The following IMMP2L variants were observed in gnomAD, a reference collection of about 807,000 sequenced individuals.
IMMP2L encodes inner mitochondrial membrane peptidase subunit 2.
A neutral mutation model predicts 19.3 loss-of-function variants in IMMP2L; 18 were observed. The ratio of observed to expected loss-of-function variants is 0.93; its 90% CI spans 0.64 to 1.38. The LOEUF is 1.38. Ranked by LOEUF, IMMP2L falls within the 40% of genes most tolerant of loss-of-function variation. IMMP2L has a pLI of 0.00. For synonymous variants in IMMP2L, 76 were observed against 73.0 expected (o/e 1.04, Z -0.21); for missense variants, 233 against 218.2 (o/e 1.07, Z -0.43).
intron 3 of IMMP2L, among the ~76,000 whole-genome samples, chr7:111,198,597 G>A (rs981637981): frequency 5.3e-5 from 8 of 152,002 alleles, no homozygotes; most frequent in African/African-American, 1.4e-4. Flanking sequence ...CCCTAAACAC[G>A]CCCTGATAAT....
At chr7:110,703,768 A>C (rs7803158) in intron 5 of IMMP2L, among the ~76,000 whole-genome samples, 58,548 of 152,036 alleles carry the variant, frequency 0.39, 13,167 homozygotes, top group East Asian at 0.63. Flanking sequence ...GTTTCAAAAT[A>C]AAATGTGCAA....
chr7:110,837,916 T>C (rs1202195653), intron 5 of IMMP2L, among the ~76,000 whole-genome samples: 1 of 152,130 alleles, frequency 6.6e-6, no homozygotes, highest in Non-Finnish European at 1.5e-5. Context: ...GCAATTTATA[T>C]GTTGGGGATG....
At chr7:110,663,771 G>T (rs758863857) in intron 5 of IMMP2L, 50 bp from the exon 6 acceptor site, 4 of 1,304,430 alleles carry the variant, frequency 3.1e-6, no homozygotes, top group Non-Finnish European at 4.2e-6. Context: ...CATTTTATAA[G>T]AATCATTATT....
chr7:111,557,248 C>T (rs763479494), intron 1 of IMMP2L, among the ~76,000 whole-genome samples: 8 of 152,128 alleles, frequency 5.3e-5, no homozygotes, highest in Non-Finnish European at 1.0e-4. Context: ...CCTCAATCTA[C>T]CCAGCACACT....
intron 3 of IMMP2L, among the ~76,000 whole-genome samples, chr7:111,428,362 A>C (rs1392410606): frequency 1.3e-5 from 2 of 151,792 alleles, no homozygotes; most frequent in Non-Finnish European, 2.9e-5. Context: ...GTAATTTTTT[A>C]AAGTAATAAG....
At chr7:111,121,917 T>C (rs1369667068) in intron 3 of IMMP2L, among the ~76,000 whole-genome samples, 1 of 152,172 alleles carries the variant, frequency 6.6e-6, no homozygotes, top group African/African-American at 2.4e-5. Context: ...GATGAGTTCA[T>C]GTCCTTTGTA....
At chr7:110,873,429 C>CAAAAAAAAA (rs60827428) in intron 5 of IMMP2L, among the ~76,000 whole-genome samples, 3 of 28,948 alleles carry the variant, frequency 1.0e-4, no homozygotes, top group Non-Finnish European at 7.2e-5. Flanking sequence ...GACTCTATCT[C>CAAAAAAAAA]AAAAAAAAAA....
intron 3 of IMMP2L, among the ~76,000 whole-genome samples, chr7:111,451,217 C>T (rs1322435405): frequency 9.3e-6 from 1 of 107,428 alleles, no homozygotes; most frequent in Non-Finnish European, 1.9e-5. Flanking sequence ...TGGGTATATA[C>T]CCCCAAATGA....
intron 2 of IMMP2L, among the ~76,000 whole-genome samples, chr7:111,488,888 T>C (rs1842867505): frequency 6.6e-6 from 1 of 152,142 alleles, no homozygotes; most frequent in Admixed American, 6.6e-5. Context: ...TTTTTGATTA[T>C]GGCCACTCTT....
chr7:111,237,248 A>C (rs1308303433), intron 3 of IMMP2L, among the ~76,000 whole-genome samples: 1 of 152,176 alleles, frequency 6.6e-6, no homozygotes, highest in Non-Finnish European at 1.5e-5. Context: ...TAATTCAGTA[A>C]AAGGAAGAAG....
intron 1 of IMMP2L, among the ~76,000 whole-genome samples, chr7:111,521,804 A>G (rs1429396309): frequency 2.0e-5 from 3 of 152,112 alleles, no homozygotes; most frequent in Non-Finnish European, 2.9e-5. Flanking sequence ...GTTCTCTTCT[A>G]CAGTAATAAA....
Position 111,199,504 on chromosome 7 carries a change from T to C in IMMP2L, c.240-235939A>G, listed in dbSNP as rs564594984. On this transcript the variant is annotated intron_variant, in intron 3 of 5. Coordinates refer to ENST00000405709, the MANE Select transcript of IMMP2L (RefSeq NM_032549.4). ...CCTTAACACATTAAAAACAGTACTA[T>C]GTCTGAATAGAAAAAGAAAAGCCAA... 1.7e-4 allele frequency among the ~76,000 whole-genome samples: 26 copies of C among 152,284 alleles called. No individual in the cohort carries two copies. The South Asian group carries it at 5.2e-3, about 30-fold the overall frequency.
chr7:111,126,865 T>C (rs1182064444), intron 3 of IMMP2L, among the ~76,000 whole-genome samples: 1 of 152,206 alleles, frequency 6.6e-6, no homozygotes, highest in Non-Finnish European at 1.5e-5. Context: ...AAGCAACTTT[T>C]AACTTTTCTT....
At chr7:111,355,607 A>G (rs1485735018) in intron 3 of IMMP2L, among the ~76,000 whole-genome samples, 2 of 151,934 alleles carry the variant, frequency 1.3e-5, no homozygotes, top group African/African-American at 4.8e-5. Context: ...CAATAAAAAA[A>G]CAGGGAAAAA....
intron 3 of IMMP2L, among the ~76,000 whole-genome samples, chr7:111,336,946 G>A (rs142712201): frequency 8.2e-4 from 125 of 151,652 alleles, no homozygotes; most frequent in African/African-American, 3.0e-3. Context: ...AGTGAAAATA[G>A]TGCCAAACAC....
chr7:110,691,226 C>A (rs761439534), intron 5 of IMMP2L, among the ~76,000 whole-genome samples: 2 of 152,026 alleles, frequency 1.3e-5, no homozygotes, highest in African/African-American at 2.4e-5. Context: ...GGAAAGGACA[C>A]CCTATGTCAT....
chr7:110,915,899 A>T (rs1813559269), intron 4 of IMMP2L, among the ~76,000 whole-genome samples: 1 of 152,224 alleles, frequency 6.6e-6, no homozygotes, highest in Admixed American at 6.5e-5. Flanking sequence ...AAATCATGCC[A>T]TCTCCTGAGA....
intron 3 of IMMP2L, among the ~76,000 whole-genome samples, chr7:111,359,422 C>A (rs1829042189): frequency 6.6e-6 from 1 of 152,016 alleles, no homozygotes; most frequent in Admixed American, 6.6e-5. Context: ...CTGCCTCAGC[C>A]TCCTGAGTAG....
intron 3 of IMMP2L, among the ~76,000 whole-genome samples, chr7:111,349,320 G>A (rs1353715367): frequency 2.6e-5 from 4 of 152,072 alleles, no homozygotes; most frequent in African/African-American, 4.8e-5. Flanking sequence ...GTTAGGCATT[G>A]GGATGGTAAC....
Sources: allele counts gnomAD v4.1 joint callset (sites outside exome capture counted in the v4.1 genomes callset), GRCh38; gene constraint gnomAD v4.1.1; transcripts MANE v1.5; gene names NCBI Gene and HGNC (gene_info 2026-07-23, HGNC 2026-07-21).